The following USP37 variants were observed in gnomAD, a reference collection of about 807,000 sequenced individuals.
USP37 encodes ubiquitin carboxyl-terminal hydrolase 37.
Under a neutral mutation model 124.0 loss-of-function variants are expected in USP37, and 27 were observed. That is an observed-to-expected ratio of 0.22 (90% CI 0.16 to 0.30). The LOEUF is 0.30. Among genes scored for constraint, USP37 ranks in the 10% least tolerant of loss-of-function variants. USP37 has a pLI of 1.00. For synonymous variants in USP37, 365 were observed against 388.0 expected (o/e 0.94, Z 0.70); for missense variants, 889 against 1,140.4 (o/e 0.78, Z 3.17).
chr2:218,461,638 C>A (rs1341725467), intron 22 of USP37, among the ~76,000 whole-genome samples: 1 of 152,118 alleles, frequency 6.6e-6, no homozygotes, highest in African/African-American at 2.4e-5. Flanking sequence ...CAAAGCCATA[C>A]CCCAAGCCAG....
chr2:218,499,896 C>A (rs572868844), intron 11 of USP37, among the ~76,000 whole-genome samples: 1 of 152,124 alleles, frequency 6.6e-6, no homozygotes, highest in South Asian at 2.1e-4. Flanking sequence ...ATCCTCCCAC[C>A]TCAGCTTCCC....
At chr2:218,559,095 C>T (rs1693179353) in intron 3 of USP37, among the ~76,000 whole-genome samples, 1 of 151,856 alleles carries the variant, frequency 6.6e-6, no homozygotes, top group Non-Finnish European at 1.5e-5. Context: ...CTGCTTAAGC[C>T]TGGGAATTTG....
Position 218,544,436 on chromosome 2 carries a change from GA to G in USP37, c.680+1784del, listed in dbSNP as rs1559220776. 2.2e-3 allele frequency among the ~76,000 whole-genome samples: 273 copies of G among 122,898 alleles called. 6 individuals are homozygous for G. Among genetic ancestry groups the G allele is most frequent in the African/African-American group, 8.3e-3 (260 of 31,468 alleles). 80.6% of individuals were successfully genotyped at this position (122,898 alleles called of 152,430 possible). ...ATATATATATATATATATATAGAGA[GA>G]GAGAGAGAGAGAGAGAGAGAGAGAC... On this transcript the variant is annotated intron_variant, in intron 8 of 25. Transcript: ENST00000258399.
chr2:218,474,938 A>G, intron 19 of USP37, 53 bp from the exon 20 acceptor site: 1 of 1,533,182 alleles, frequency 6.5e-7, no homozygotes, highest in South Asian at 1.3e-5. Flanking sequence ...AAATATAGCA[A>G]TCTTAATTAG....
chr2:218,474,256 G>A (rs1415820464), intron 20 of USP37, among the ~76,000 whole-genome samples: 1 of 152,104 alleles, frequency 6.6e-6, no homozygotes, highest in Non-Finnish European at 1.5e-5. Context: ...TTTACCACTA[G>A]TATCTGTGTA....
At chr2:218,537,045 C>T (rs759772876) in intron 8 of USP37, among the ~76,000 whole-genome samples, 3 of 151,928 alleles carry the variant, frequency 2.0e-5, no homozygotes, top group African/African-American at 2.4e-5. Flanking sequence ...ATAATGATGA[C>T]GTAATATAAC....
chr2:218,463,484 G>T, intron 21 of USP37, 118 bp from the exon 22 acceptor site: 1 of 776,186 alleles, frequency 1.3e-6, no homozygotes, highest in Non-Finnish European at 2.1e-6. Context: ...ATAACCTTAT[G>T]GATGTTTGGA....
intron 10 of USP37, among the ~76,000 whole-genome samples, chr2:218,525,483 A>G (rs1239408306): frequency 6.6e-6 from 1 of 152,164 alleles, no homozygotes. Flanking sequence ...GACCCTGTCT[A>G]AAAAATAAAT....
At chr2:218,537,783 C>T (rs959775553) in intron 8 of USP37, among the ~76,000 whole-genome samples, 3 of 152,066 alleles carry the variant, frequency 2.0e-5, no homozygotes, top group Admixed American at 2.0e-4. Context: ...GTAGAGTCAC[C>T]CACAGGAGAG....
chr2:218,522,227 T>C (rs532443367), intron 10 of USP37, among the ~76,000 whole-genome samples: 70 of 152,092 alleles, frequency 4.6e-4, no homozygotes, highest in African/African-American at 1.6e-3. Context: ...TTAGGCCTTC[T>C]TCAAAATTAT....
intron 14 of USP37, among the ~76,000 whole-genome samples, chr2:218,489,339 CAG>C (rs1457737905): frequency 1.5e-5 from 2 of 135,368 alleles, no homozygotes; most frequent in South Asian, 2.5e-4. Context: ...GCCTGGGCGA[CAG>C]AGAGAGACTC....
At chr2:218,467,997 C>T (rs1229444202) in intron 20 of USP37, among the ~76,000 whole-genome samples, 2 of 151,646 alleles carry the variant, frequency 1.3e-5, no homozygotes, top group East Asian at 1.9e-4. Context: ...AAGCGATTCT[C>T]CTGCCTCAGC....
intron 20 of USP37, among the ~76,000 whole-genome samples, chr2:218,467,559 G>C (rs1393937894): frequency 1.3e-5 from 2 of 152,118 alleles, no homozygotes; most frequent in African/African-American, 4.8e-5. Context: ...ATCTTGGTCA[G>C]GCTGGTCTCG....
At chr2:218,553,843 T>A in intron 4 of USP37, 119 bp from the exon 5 acceptor site, 1 of 1,060,702 alleles carries the variant, frequency 9.4e-7, no homozygotes, top group Non-Finnish European at 1.3e-6. Context: ...TTCCCCACAG[T>A]AATTTAATTT....
chr2:218,458,267 A>AC (rs1486014529), intron 23 of USP37, among the ~76,000 whole-genome samples: 1 of 149,556 alleles, frequency 6.7e-6, no homozygotes, highest in Non-Finnish European at 1.5e-5. Context: ...AAAAAAAAAA[A>AC]AAAAAAAAAC....
chr2:218,538,803 A>C (rs1691804866), intron 8 of USP37, among the ~76,000 whole-genome samples: 1 of 152,178 alleles, frequency 6.6e-6, no homozygotes, highest in Non-Finnish European at 1.5e-5. Context: ...ACAATATTCT[A>C]GATACAGTAG....
intron 11 of USP37, among the ~76,000 whole-genome samples, chr2:218,501,595 T>C (rs925673919): frequency 6.6e-6 from 1 of 152,204 alleles, no homozygotes; most frequent in Non-Finnish European, 1.5e-5. Flanking sequence ...ATAAATGATG[T>C]GAGTCCTACT....
intron 11 of USP37, 51 bp from the exon 12 acceptor site, chr2:218,498,208 A>G: frequency 1.3e-6 from 2 of 1,523,336 alleles, no homozygotes; most frequent in Non-Finnish European, 1.7e-6. Context: ...TTCCTAAAGT[A>G]TGTTCAGTAT....
In USP37 at chr2:218,546,964, AAAG is replaced by A; in HGVS notation, c.554_556del (p.Ser185del). Reference sequence around the variant, plus strand: ...TCTAAGAGGTGTTGAAGTAGATGTCAAAGAAGGAATCGTCCGAGCTATTCCACT... The same window carrying A: ...TCTAAGAGGTGTTGAAGTAGATGTCAAAGGAATCGTCCGAGCTATTCCACT... On this transcript the variant is annotated inframe_deletion, in exon 7 of 26. Transcript: ENST00000258399. The A allele has an allele frequency of 6.2e-7, 1 of 1,612,962 alleles. No individual in the cohort carries two copies. Among genetic ancestry groups the A allele is most frequent in the Non-Finnish European group, 8.5e-7 (1 of 1,179,724 alleles).
Sources: allele counts gnomAD v4.1 joint callset (sites outside exome capture counted in the v4.1 genomes callset), GRCh38; gene constraint gnomAD v4.1.1; transcripts MANE v1.5; gene names NCBI Gene and HGNC (gene_info 2026-07-23, HGNC 2026-07-21).